The following PHF3 variants were observed in gnomAD, a reference collection of about 807,000 sequenced individuals.
PHF3 encodes PHD finger protein 3.
A neutral mutation model predicts 178.4 loss-of-function variants in PHF3; 41 were observed. That is an observed-to-expected ratio of 0.23 (90% CI 0.18 to 0.30). The LOEUF is 0.30. PHF3 is among the 10% of genes least tolerant of loss of function. The pLI is 1.00. For synonymous variants in PHF3, 842 were observed against 800.5 expected, an observed-to-expected ratio of 1.05 and a Z score of -0.88; for missense variants, 2,346 against 2,398.1, an observed-to-expected ratio of 0.98 and a Z score of 0.45.
chr6:63,698,201 T>A, intron 6 of PHF3, 22 bp from the exon 7 acceptor site: 1 of 1,576,710 alleles, frequency 6.3e-7, no homozygotes, highest in South Asian at 1.2e-5. Context: ...ATGTAATGAG[T>A]TTCGATATTT....
chr6:63,721,815 G>GT lies in PHF3; in HGVS notation c.*8108dup, dbSNP rs1561994484. 1 of 1,529,592 alleles carries GT rather than the reference G, an allele frequency of 6.5e-7. No homozygotes were observed. Among genetic ancestry groups the GT allele is most frequent in the African/African-American group, 1.4e-5 (1 of 71,952 alleles). The allele number at this position is 1,529,592 out of a possible 1,614,324, so 94.8% of individuals were successfully genotyped here. A position where few individuals can be genotyped will look rare whatever the true frequency, so the allele number is the denominator to read the frequency against. On this transcript the variant is annotated 3_prime_UTR_variant, in exon 16 of 16. Coordinates refer to ENST00000262043, the MANE Select transcript of PHF3 (RefSeq NM_001370348.2). ...AAAATCACCTGCAAGAAAGCAAACA[G>GT]TAAGTTTGATTAGCAACAGTAAAAG...
chr6:63,706,577 A>G (rs1767702774), intron 12 of PHF3, 152 bp from the exon 13 acceptor site: 1 of 649,510 alleles, frequency 1.5e-6, no homozygotes, highest in South Asian at 2.2e-5. Flanking sequence ...TGTAAATATG[A>G]ATGTAATTTT....
At chr6:63,674,951 T>C (rs964319991) in intron 2 of PHF3, among the ~76,000 whole-genome samples, 1 of 152,216 alleles carries the variant, frequency 6.6e-6, no homozygotes, top group Non-Finnish European at 1.5e-5. Context: ...ATCTCTATTG[T>C]TGAGCAGTGC....
At chr6:63,669,603 A>G (rs1228934601) in intron 2 of PHF3, among the ~76,000 whole-genome samples, 1 of 152,232 alleles carries the variant, frequency 6.6e-6, no homozygotes, top group Non-Finnish European at 1.5e-5. Flanking sequence ...TATATATGTA[A>G]AACACATGGA....
rs1768338706 is a variant in PHF3, at chr6:63,720,656, T to G, written c.*6948T>G. ...CATTGTATCCTTCTAATTTAATTAGTTCAATGTTTTTTGGTTCCTGAAAAA... is the reference window on the plus strand; with the variant it reads ...CATTGTATCCTTCTAATTTAATTAGGTCAATGTTTTTTGGTTCCTGAAAAA... On this transcript the variant is annotated 3_prime_UTR_variant, in exon 16 of 16. Transcript: ENST00000262043. 2 of 1,538,042 alleles carry G rather than the reference T, an allele frequency of 1.3e-6. No homozygotes were observed. Among genetic ancestry groups the G allele is most frequent in the African/African-American group, 1.4e-5 (1 of 72,258 alleles).
intron 2 of PHF3, among the ~76,000 whole-genome samples, chr6:63,663,352 G>A (rs1018308561): frequency 6.6e-6 from 1 of 152,114 alleles, no homozygotes; most frequent in African/African-American, 2.4e-5. Flanking sequence ...AAATAGGATA[G>A]CTTCTGTACC....
chr6:63,682,562 A>G (rs1766485319), intron 3 of PHF3, among the ~76,000 whole-genome samples: 1 of 152,126 alleles, frequency 6.6e-6, no homozygotes, highest in Non-Finnish European at 1.5e-5. Context: ...TATTTATTTC[A>G]TCATCTTTTC....
intron 8 of PHF3, among the ~76,000 whole-genome samples, chr6:63,699,446 G>GCCT (rs1299931430): frequency 5.9e-5 from 9 of 152,148 alleles, no homozygotes; most frequent in Admixed American, 3.3e-4. Context: ...TACAGTAGGT[G>GCCT]ATTTGAGGTA....
chr6:63,683,656 A>G (rs139515977), intron 3 of PHF3, among the ~76,000 whole-genome samples: 2,423 of 152,122 alleles, frequency 0.016, 24 homozygotes, highest in Non-Finnish European at 0.027. Context: ...ACTCGCACAG[A>G]TCCTGGTTTG....
At position 63,717,796 on chromosome 6, in the gene PHF3, C is replaced by G. The variant is rs1470633029; in HGVS notation, c.*4088C>G. On this transcript the variant is annotated 3_prime_UTR_variant, in exon 16 of 16. Transcript: ENST00000262043. ...TTAGCCCAAGCTGTCTTTTAAAACT[C>G]CTTATTTTAAGATAATTTTGTCCTC... Among the ~76,000 whole-genome samples the G allele has an allele frequency of 6.6e-6, 1 of 151,940 alleles. No homozygotes were observed. Among genetic ancestry groups the G allele is most frequent in the Non-Finnish European group, 1.5e-5 (1 of 67,956 alleles).
In PHF3 at chr6:63,717,034, T is replaced by C. The variant is rs1050266914; in HGVS notation, c.*3326T>C. Among the ~76,000 whole-genome samples, 1 of 152,074 alleles carries C rather than the reference T, an allele frequency of 6.6e-6. No homozygotes were observed. The highest frequency in any genetic ancestry group is 6.6e-5 in the Admixed American group (1 of 15,232). Reference sequence around the variant, plus strand: ...CCAACAGCCCTTGACTTACTAATTGTAGTTTATTGTGGGTGAATTAATCTG... The same window carrying C: ...CCAACAGCCCTTGACTTACTAATTGCAGTTTATTGTGGGTGAATTAATCTG... On this transcript the variant is annotated 3_prime_UTR_variant, in exon 16 of 16. Coordinates refer to ENST00000262043, the MANE Select transcript of PHF3 (RefSeq NM_001370348.2).
At chr6:63,682,658 T>C (rs1183084009) in intron 3 of PHF3, among the ~76,000 whole-genome samples, 1 of 152,126 alleles carries the variant, frequency 6.6e-6, no homozygotes, top group Non-Finnish European at 1.5e-5. Context: ...AGAATAAACA[T>C]TGTAGGAAAA....
In PHF3 at chr6:63,685,786, G is replaced by C. The variant is rs1164197977; in HGVS notation, c.2064G>C (p.Leu688Phe). 6.2e-7 allele frequency: 1 copy of C among 1,613,988 alleles called. No homozygotes were observed. The highest frequency in any genetic ancestry group is 2.2e-5 in the East Asian group (1 of 44,876). Residue 688 changes from leucine (L) to phenylalanine (F), a missense_variant, in exon 4 of 16, where the codon TTG (leucine) becomes TTC (phenylalanine). Leu to Phe is a conservative substitution (Grantham distance 22). Transcript: ENST00000262043. ...SKSFSLDEPP[L>F]FIPDNIATIR... ...GTTTTTCTTTAGATGAGCCACCATTGTTCATTCCAGATAACATAGCTACCA... is the reference window on the plus strand; with the variant it reads ...GTTTTTCTTTAGATGAGCCACCATTCTTCATTCCAGATAACATAGCTACCA...
chr6:63,687,516 C>T (rs1418395773), intron 4 of PHF3, among the ~76,000 whole-genome samples: 5 of 152,188 alleles, frequency 3.3e-5, no homozygotes, highest in African/African-American at 1.2e-4. Context: ...TTAAGTGCTC[C>T]TTTAAACCAG....
chr6:63,678,261 A>G (rs1414056825), intron 2 of PHF3, among the ~76,000 whole-genome samples: 3 of 151,922 alleles, frequency 2.0e-5, no homozygotes, highest in Non-Finnish European at 4.4e-5. Flanking sequence ...ACAAAAAACA[A>G]CAGCAACAAA....
At chr6:63,639,917 T>C (rs1764502367) in intron 1 of PHF3, among the ~76,000 whole-genome samples, 1 of 152,222 alleles carries the variant, frequency 6.6e-6, no homozygotes, top group African/African-American at 2.4e-5. Flanking sequence ...ATAATGCCAA[T>C]ATAGTTGTAA....
rs1766599501 is a variant in PHF3 at position 63,684,719 on chromosome 6, G to A, written c.997G>A (p.Asp333Asn). Residue 333 changes from aspartate to asparagine, a missense_variant, in exon 4 of 16, where the codon GAC becomes AAC. Physicochemically the swap from Asp to Asn is conservative, Grantham distance 23 (BLOSUM62 1). Transcript: ENST00000262043. ...KETVKLSHED[D>N]HILEDAGSSD... Reference sequence around the variant, plus strand: ...GACAGTAAAATTATCCCATGAAGATGACCATATTCTTGAGGACGCTGGATC... The same window carrying A: ...GACAGTAAAATTATCCCATGAAGATAACCATATTCTTGAGGACGCTGGATC... 1.2e-6 allele frequency: 2 copies of A among 1,613,616 alleles called. No homozygotes were observed. The highest frequency in any genetic ancestry group is 2.2e-5 in the South Asian group (2 of 91,020).
At chr6:63,673,981 G>C (rs1486449376) in intron 2 of PHF3, among the ~76,000 whole-genome samples, 4 of 152,148 alleles carry the variant, frequency 2.6e-5, no homozygotes, top group African/African-American at 9.7e-5. Context: ...ATCTGGTAAA[G>C]CTGCCATTCC....
chr6:63,679,623 T>A, intron 2 of PHF3: 1 of 321,658 alleles, frequency 3.1e-6, no homozygotes, highest in Non-Finnish European at 6.1e-6. Context: ...GAACCTAGAA[T>A]CTTTCAGGGT....
Sources: allele counts gnomAD v4.1 joint callset (sites outside exome capture counted in the v4.1 genomes callset), GRCh38; gene constraint gnomAD v4.1.1; transcripts MANE v1.5; gene names NCBI Gene and HGNC (gene_info 2026-07-23, HGNC 2026-07-21).